Variants in NCLN observed in about 807,000 individuals in gnomAD.
NCLN encodes nicalin.
Under a neutral mutation model 69.5 loss-of-function variants are expected in NCLN, and 34 were observed. That is an observed-to-expected ratio of 0.49 (90% CI 0.37 to 0.65). The LOEUF (loss-of-function observed/expected upper bound fraction) is 0.65, where lower values mean the gene tolerates loss of function less well. NCLN is among the 30% of genes least tolerant of loss of function. NCLN has a pLI of 0.00. For synonymous variants in NCLN, 393 were observed against 358.3 expected, an observed-to-expected ratio of 1.10 and a Z score of -1.09; for missense variants, 710 against 804.8, an observed-to-expected ratio of 0.88 and a Z score of 1.42.
chr19:3,191,511 G>A (rs190349836), intron 1 of NCLN, among the ~76,000 whole-genome samples: 1 of 152,208 alleles, frequency 6.6e-6, no homozygotes, highest in Non-Finnish European at 1.5e-5. Context: ...GCGCAGTAGG[G>A]TGGTCCTAGA....
chr19:3,200,837 C>T lies in NCLN; in HGVS notation c.697-686C>T, dbSNP rs570239265. Reference sequence around the variant, plus strand: ...AGTGCCTGTGGACTGGCCTGTTGGACGGGTCCTATGAACAGATCCTACACT... The same window carrying T: ...AGTGCCTGTGGACTGGCCTGTTGGATGGGTCCTATGAACAGATCCTACACT... On this transcript the variant is annotated intron_variant, in intron 5 of 14. Transcript: ENST00000246117. 1.1e-4 allele frequency among the ~76,000 whole-genome samples: 16 copies of T among 152,178 alleles called. No individual in the cohort carries two copies. The South Asian group carries it at 2.7e-3, about 26-fold the overall frequency.
chr19:3,204,047 TG>T lies in NCLN; in HGVS notation c.934del (p.Asp312ThrfsTer100). 1 of 1,570,808 alleles carries T rather than the reference TG, an allele frequency of 6.4e-7. No individual in the cohort carries two copies. Among genetic ancestry groups the T allele is most frequent in the South Asian group, 1.2e-5 (1 of 86,166 alleles). On this transcript the variant is annotated frameshift_variant, in exon 8 of 15. Coordinates refer to ENST00000246117, the MANE Select transcript of NCLN (RefSeq NM_020170.4). LOFTEE classifies it high-confidence loss of function. ...LQDNVAFVLC[L>X]DTVGRGSSLH... Reference sequence around the variant, plus strand: ...GACAATGTGGCCTTCGTGCTGTGCCTGGACACCGTGGGCCGGGGCAGCAGCC... The same window carrying T: ...GACAATGTGGCCTTCGTGCTGTGCCTGACACCGTGGGCCGGGGCAGCAGCC...
At position 3,207,862 on chromosome 19, in the gene NCLN, G is replaced by A. The variant is rs1046290646; in HGVS notation, c.*174G>A. On this transcript the variant is annotated 3_prime_UTR_variant, in exon 15 of 15. Transcript: ENST00000246117. Reference sequence around the variant, plus strand: ...CTTTTTTCTGTTGCTCTCCGAGACTGGGGGGGGATTGTTTCTTCTTTTCCT... The same window carrying A: ...CTTTTTTCTGTTGCTCTCCGAGACTAGGGGGGGATTGTTTCTTCTTTTCCT... 1 of 564,098 alleles carries A rather than the reference G, an allele frequency of 1.8e-6. No homozygotes were observed. The highest frequency in any genetic ancestry group is 3.1e-6 in the Non-Finnish European group (1 of 317,788). The allele number at this position is 564,098 out of a possible 1,614,324, so 34.9% of individuals were successfully genotyped here. A position where few individuals can be genotyped will look rare whatever the true frequency, so the allele number is the denominator to read the frequency against.
At chr19:3,193,556 A>C in intron 3 of NCLN, 128 bp downstream of exon 3, 1 of 1,165,254 alleles carries the variant, frequency 8.6e-7, no homozygotes, top group South Asian at 1.7e-5. Context: ...CGGGGTTAAC[A>C]GTGGGGGTTC....
intron 1 of NCLN, among the ~76,000 whole-genome samples, chr19:3,188,859 C>T (rs186567436): frequency 6.6e-6 from 1 of 152,268 alleles, no homozygotes; most frequent in Admixed American, 6.5e-5. Context: ...CCAGCCAGCA[C>T]ACCCCTCTGT....
intron 1 of NCLN, 141 bp from the exon 2 acceptor site, chr19:3,192,329 G>T: frequency 1.5e-6 from 1 of 681,258 alleles, no homozygotes; most frequent in East Asian, 3.3e-5. Context: ...GGGACCCTGG[G>T]AGCTTCTCGA....
intron 3 of NCLN, among the ~76,000 whole-genome samples, chr19:3,195,297 T>C (rs1915927022): frequency 6.6e-6 from 1 of 151,878 alleles, no homozygotes; most frequent in Admixed American, 6.6e-5. Context: ...TCACCCAGAC[T>C]GGAGTGCAGT....
Position 3,193,176 on chromosome 19 carries a change from C to T in NCLN, c.376-108C>T, listed in dbSNP as rs562533272. On this transcript the variant is annotated intron_variant, in intron 2 of 14. Transcript: ENST00000246117. ...GGCCCCCTGCTACCCCCTCCAGGGACAGTCACTGGGCCCCCTGCTACCCCC... is the reference window on the plus strand; with the variant it reads ...GGCCCCCTGCTACCCCCTCCAGGGATAGTCACTGGGCCCCCTGCTACCCCC... 303 of 1,073,016 alleles carry T rather than the reference C, an allele frequency of 2.8e-4. 1 individual carries two copies. In the African/African-American group the frequency reaches 4.5e-3, roughly 16 times the overall value. 66.5% of individuals were successfully genotyped at this position (1,073,016 alleles called of 1,614,324 possible).
At chr19:3,191,066 G>A (rs1023119381) in intron 1 of NCLN, among the ~76,000 whole-genome samples, 5 of 151,202 alleles carry the variant, frequency 3.3e-5, no homozygotes, top group South Asian at 4.2e-4. Context: ...AGATCGTCGC[G>A]GTGTGTGGCG....
chr19:3,194,573 A>G (rs181995703), intron 3 of NCLN, among the ~76,000 whole-genome samples: 17 of 152,308 alleles, frequency 1.1e-4, no homozygotes, highest in African/African-American at 3.4e-4. Flanking sequence ...GGCAGAGACC[A>G]TCCAGCCTGC....
chr19:3,196,132 G>C (rs1441532468), intron 3 of NCLN, 51 bp from the exon 4 acceptor site: 8 of 1,400,556 alleles, frequency 5.7e-6, no homozygotes, highest in Admixed American at 4.4e-5. Context: ...GATGCCCCCT[G>C]GCTGGGGCCC....
At chr19:3,196,791 C>T (rs980542781) in intron 4 of NCLN, among the ~76,000 whole-genome samples, 2 of 152,244 alleles carry the variant, frequency 1.3e-5, no homozygotes, top group Non-Finnish European at 2.9e-5. Flanking sequence ...AAGCCTGTGT[C>T]GCTGCTGCTG....
At chr19:3,198,359 T>A (rs919757406) in intron 4 of NCLN, among the ~76,000 whole-genome samples, 2 of 151,734 alleles carry the variant, frequency 1.3e-5, no homozygotes, top group African/African-American at 4.8e-5. Flanking sequence ...TACAAAAAAT[T>A]AGCCGGATGT....
chr19:3,193,459 T>A, intron 3 of NCLN, 31 bp downstream of exon 3: 7 of 1,563,666 alleles, frequency 4.5e-6, no homozygotes, highest in Non-Finnish European at 5.2e-6. Context: ...ACGGGGCCCG[T>A]GGGCGTGGGT....
chr19:3,185,967 G>A lies in NCLN; in HGVS notation c.-64G>A, dbSNP rs953520855. The A allele has an allele frequency of 1.5e-6, 2 of 1,326,680 alleles. No individual in the cohort carries two copies. The allele number at this position is 1,326,680 out of a possible 1,614,324, so 82.2% of individuals were successfully genotyped here. On this transcript the variant is annotated 5_prime_UTR_variant, in exon 1 of 15. Transcript: ENST00000246117. ...GCTACCCATGCCGAGGTGAGTCCGCGGGAGCCGCCGCCGCCGCCGTCCCGT... is the reference window on the plus strand; with the variant it reads ...GCTACCCATGCCGAGGTGAGTCCGCAGGAGCCGCCGCCGCCGCCGTCCCGT...
At chr19:3,201,396 G>A (rs571288035) in intron 5 of NCLN, 127 bp from the exon 6 acceptor site, 1 of 663,756 alleles carries the variant, frequency 1.5e-6, no homozygotes, top group South Asian at 1.8e-5. Flanking sequence ...GCTGTGGGCA[G>A]AGGTCATGGG....
rs2144899114 is a variant in NCLN at position 3,192,617 on chromosome 19, T to C, written c.332T>C (p.Ile111Thr). The C allele has an allele frequency of 6.2e-7, 1 of 1,600,410 alleles. No individual in the cohort carries two copies. Among genetic ancestry groups the C allele is most frequent in the Admixed American group, 1.7e-5 (1 of 58,846 alleles). The change falls in exon 2 of 15, where the codon ATC becomes ACC. Residue 111 changes from isoleucine to threonine, a missense_variant. Transcript: ENST00000246117. ...CAGTCGGCGGGCGCCGTGGTCATCA[T>C]CCTGCCCAGGGCCATGGCCGCCGTG... ...LRQSAGAVVI[I>T]LPRAMAAVPQ...
intron 1 of NCLN, among the ~76,000 whole-genome samples, chr19:3,189,688 G>T (rs760249647): frequency 6.6e-6 from 1 of 152,230 alleles, no homozygotes; most frequent in Non-Finnish European, 1.5e-5. Context: ...TTTCGCCTCC[G>T]CAGAGGGCCG....
intron 1 of NCLN, among the ~76,000 whole-genome samples, chr19:3,191,682 T>C (rs555826967): frequency 3.9e-5 from 6 of 152,240 alleles, no homozygotes; most frequent in Admixed American, 1.3e-4. Context: ...AGAGTTTTGT[T>C]GGCACACAGT....
Sources: allele counts gnomAD v4.1 joint callset (sites outside exome capture counted in the v4.1 genomes callset), GRCh38; gene constraint gnomAD v4.1.1; transcripts MANE v1.5; gene names NCBI Gene and HGNC (gene_info 2026-07-23, HGNC 2026-07-21).